Variants in CORIN observed in about 807,000 individuals in gnomAD.
CORIN encodes the protein atrial natriuretic peptide-converting enzyme.
Under a neutral mutation model 125.3 loss-of-function variants are expected in CORIN, and 117 were observed. The ratio of observed to expected loss-of-function variants is 0.93; its 90% confidence interval spans 0.80 to 1.09. The LOEUF is 1.09. Among genes scored for constraint, CORIN ranks in the 50% least tolerant of loss-of-function variants. CORIN has a pLI of 0.00. For missense variants in CORIN, 1,253 were observed against 1,306.7 expected (o/e 0.96, Z 0.63); for synonymous variants, 450 against 466.4 (o/e 0.96, Z 0.45).
At chr4:47,721,700 C>T (rs1158243526) in intron 5 of CORIN, among the ~76,000 whole-genome samples, 1 of 152,178 alleles carries the variant, frequency 6.6e-6, no homozygotes, top group African/African-American at 2.4e-5. Flanking sequence ...GGAAGAATAA[C>T]CATAATCCTC....
At chr4:47,673,446 C>T (rs1724863210) in intron 10 of CORIN, among the ~76,000 whole-genome samples, 1 of 150,604 alleles carries the variant, frequency 6.6e-6, no homozygotes, top group Admixed American at 6.6e-5. Flanking sequence ...ATTTCTAATC[C>T]CAACCTGAAA....
At chr4:47,698,578 T>C (rs1048819188) in intron 5 of CORIN, among the ~76,000 whole-genome samples, 4 of 152,010 alleles carry the variant, frequency 2.6e-5, no homozygotes, top group Admixed American at 6.6e-5. Context: ...AGTCATTACA[T>C]GGTTTTCGGT....
intron 1 of CORIN, among the ~76,000 whole-genome samples, chr4:47,834,386 T>C (rs188126012): frequency 3.9e-5 from 6 of 152,200 alleles, no homozygotes; most frequent in African/African-American, 9.6e-5. Context: ...CCCACTTAAT[T>C]GAGGAATCTT....
intron 2 of CORIN, among the ~76,000 whole-genome samples, chr4:47,798,973 A>C (rs1158525549): frequency 6.6e-6 from 1 of 152,092 alleles, no homozygotes; most frequent in Non-Finnish European, 1.5e-5. Flanking sequence ...GCTCCTTCTT[A>C]TAAGTGAGAA....
Position 47,620,181 on chromosome 4 carries a change from A to T in CORIN, c.2540+3390T>A, listed in dbSNP as rs540629939. Among the ~76,000 whole-genome samples the T allele has an allele frequency of 1.2e-3, 188 of 152,294 alleles. 2 individuals are homozygous for T. Among genetic ancestry groups the T allele is most frequent in the African/African-American group, 4.3e-3 (179 of 41,562 alleles). On this transcript the variant is annotated intron_variant, in intron 19 of 21. Transcript: ENST00000273857. ...AACAAAACATGTATCCATCTGTGTA[A>T]CTTCCTTATGAAACTACAGGTATGT...
Position 47,661,770 on chromosome 4 carries a change from T to A in CORIN, c.1676A>T (p.Gln559Leu), listed in dbSNP as rs1260222265. The A allele has an allele frequency of 1.2e-6, 2 of 1,613,768 alleles. No individual in the cohort carries two copies. The highest frequency in any genetic ancestry group is 8.5e-7 in the Non-Finnish European group (1 of 1,179,762). ...ATTGTCTGAATTTTCCTCTGGAAAT[T>A]GACTGCAATCTGTGTCTTCAGGCCA... ...LQWPEDTDCS[Q>L]FPEENSDNQT... is the part of the protein sequence containing the mutation. Residue 559 changes from glutamine (Q) to leucine (L), a missense_variant, in exon 12 of 22, where the codon CAA becomes CTA. By Grantham distance (113) the Gln-to-Leu change is moderately radical. Transcript: ENST00000273857.
At chr4:47,728,005 T>A (rs1391782739) in intron 5 of CORIN, among the ~76,000 whole-genome samples, 1 of 152,154 alleles carries the variant, frequency 6.6e-6, no homozygotes, top group East Asian at 1.9e-4. Flanking sequence ...TAACTTTTTG[T>A]TTAAATGTGT....
At chr4:47,739,671 A>G (rs905985017) in intron 5 of CORIN, among the ~76,000 whole-genome samples, 13 of 149,992 alleles carry the variant, frequency 8.7e-5, no homozygotes, top group Admixed American at 2.6e-4. Context: ...TATTTTTTCT[A>G]TAAATCTTTT....
rs142904418 is a variant in CORIN at position 47,761,480 on chromosome 4, TACACAC to T, written c.617+1893_617+1898del. On this transcript the variant is annotated intron_variant, in intron 4 of 21. Coordinates refer to ENST00000273857, the MANE Select transcript of CORIN (RefSeq NM_006587.4). ...CAATGAATGCATAAAGAAAATGTGA[TACACAC>T]ACACACACACACACACACACACATA... 8.9e-4 allele frequency among the ~76,000 whole-genome samples: 128 copies of T among 144,486 alleles called. No homozygotes were observed. In the Middle Eastern group the frequency reaches 0.011, roughly 12 times the overall value. The allele number at this position is 144,486 out of a possible 152,430, so 94.8% of individuals were successfully genotyped here.
chr4:47,693,494 A>G (rs1560508342), intron 5 of CORIN, among the ~76,000 whole-genome samples: 1 of 152,238 alleles, frequency 6.6e-6, no homozygotes, highest in Non-Finnish European at 1.5e-5. Context: ...CCTTTCTAAA[A>G]AGCTACTCTA....
intron 3 of CORIN, among the ~76,000 whole-genome samples, chr4:47,773,931 G>A (rs754025655): frequency 2.6e-5 from 4 of 151,332 alleles, no homozygotes; most frequent in Admixed American, 2.0e-4. Flanking sequence ...ATACCTTTTG[G>A]GGAGACAAAC....
chr4:47,621,037 T>C (rs951440254), intron 19 of CORIN, among the ~76,000 whole-genome samples: 4 of 152,246 alleles, frequency 2.6e-5, no homozygotes, highest in African/African-American at 9.6e-5. Flanking sequence ...TTTGCTATTA[T>C]TTAATATTAC....
chr4:47,711,462 C>A (rs1726837828), intron 5 of CORIN, among the ~76,000 whole-genome samples: 1 of 152,202 alleles, frequency 6.6e-6, no homozygotes, highest in African/African-American at 2.4e-5. Flanking sequence ...CCATGTACTT[C>A]CTCTCTGTAC....
In CORIN at chr4:47,680,039, C is replaced by T. The variant is rs184286389; in HGVS notation, c.1132+102G>A. On this transcript the variant is annotated intron_variant, in intron 8 of 21. Coordinates refer to ENST00000273857, the MANE Select transcript of CORIN (RefSeq NM_006587.4). The stretch of plus-strand genomic sequence containing the variant: ...GCATAAGAATCTTTCCCTTGGAATG[C>T]TGTGTATATAGTGAGTCTTAAGTAC... 66 of 670,776 alleles carry T rather than the reference C, an allele frequency of 9.8e-5. No homozygotes were observed. The African/African-American group carries it at 1.0e-3, about 10-fold the overall frequency. 41.6% of individuals were successfully genotyped at this position (670,776 alleles called of 1,614,324 possible).
chr4:47,746,812 G>A (rs1728687067), intron 4 of CORIN, among the ~76,000 whole-genome samples: 1 of 152,100 alleles, frequency 6.6e-6, no homozygotes, highest in Non-Finnish European at 1.5e-5. Flanking sequence ...GGGATTACAG[G>A]CCTGAGCCAC....
rs868230251 is a variant in CORIN, at chr4:47,596,913, G to C, written c.2947-1010C>G. Reference sequence around the variant, plus strand: ...TATTATTTATTATATCTGTTTTGGAGATGATGAAACAGAAGCACAGGTTAA... The same window carrying C: ...TATTATTTATTATATCTGTTTTGGACATGATGAAACAGAAGCACAGGTTAA... On this transcript the variant is annotated intron_variant, in intron 21 of 21. Transcript: ENST00000273857. Among the ~76,000 whole-genome samples the C allele has an allele frequency of 2.6e-5, 4 of 152,268 alleles. No homozygotes were observed. In the Middle Eastern group the frequency reaches 0.01, roughly 388 times the overall value.
rs530981790 is a variant in CORIN, at chr4:47,793,138, G to A, written c.209-6213C>T. Among the ~76,000 whole-genome samples the A allele has an allele frequency of 2.2e-4, 33 of 152,218 alleles. 1 individual carries two copies. The highest frequency in any genetic ancestry group is 1.5e-5 in the Non-Finnish European group (1 of 68,008). Reference sequence around the variant, plus strand: ...AGCAATCTGATGATTTCCTCCAGATGCCTCACCAGACTCCCCCACAATGCT... The same window carrying A: ...AGCAATCTGATGATTTCCTCCAGATACCTCACCAGACTCCCCCACAATGCT... On this transcript the variant is annotated intron_variant, in intron 2 of 21. Transcript: ENST00000273857.
At chr4:47,740,644 T>G (rs1429118357) in intron 5 of CORIN, among the ~76,000 whole-genome samples, 1 of 151,894 alleles carries the variant, frequency 6.6e-6, no homozygotes, top group Non-Finnish European at 1.5e-5. Context: ...ATCCTAAAAT[T>G]TATACAGAAA....
At chr4:47,654,567 G>A (rs1723879196) in intron 12 of CORIN, among the ~76,000 whole-genome samples, 1 of 152,230 alleles carries the variant, frequency 6.6e-6, no homozygotes, top group South Asian at 2.1e-4. Flanking sequence ...TATCACAGCA[G>A]AAAGCAACAC....
Sources: allele counts gnomAD v4.1 joint callset (sites outside exome capture counted in the v4.1 genomes callset), GRCh38; gene constraint gnomAD v4.1.1; transcripts MANE v1.5; gene names NCBI Gene and HGNC (gene_info 2026-07-23, HGNC 2026-07-21).